Variants in MTSS1 observed in about 807,000 individuals in gnomAD.
MTSS1 encodes MTSS I-BAR domain containing 1, also known as protein MTSS 1.
A neutral mutation model predicts 79.0 loss-of-function variants in MTSS1; 18 were observed. The ratio of observed to expected loss-of-function variants is 0.23; its 90% CI spans 0.16 to 0.34. MTSS1 has a LOEUF of 0.34. MTSS1 is among the 10% of genes least tolerant of loss of function. MTSS1 has a pLI of 1.00. For synonymous variants in MTSS1, 341 were observed against 368.6 expected, an observed-to-expected ratio of 0.93 and a Z score of 0.86; for missense variants, 815 against 986.2, an observed-to-expected ratio of 0.83 and a Z score of 2.33.
intron 3 of MTSS1, among the ~76,000 whole-genome samples, chr8:124,630,219 C>T (rs928942929): frequency 6.6e-6 from 1 of 152,228 alleles, no homozygotes; most frequent in Non-Finnish European, 1.5e-5. Flanking sequence ...GTTGTGGACC[C>T]TAAAGGGCCC....
At chr8:124,696,580 C>T (rs545662998) in intron 3 of MTSS1, among the ~76,000 whole-genome samples, 1 of 152,194 alleles carries the variant, frequency 6.6e-6, no homozygotes, top group South Asian at 2.1e-4. Context: ...CAGCCAGATG[C>T]GGTGGCTCCC....
At chr8:124,564,125 A>G (rs913387653) in intron 9 of MTSS1, among the ~76,000 whole-genome samples, 7 of 89,680 alleles carry the variant, frequency 7.8e-5, no homozygotes, top group African/African-American at 1.2e-4. Context: ...ACGAGACCCG[A>G]TCTCAAAAAA....
intron 3 of MTSS1, among the ~76,000 whole-genome samples, chr8:124,688,634 G>A (rs1427591847): frequency 5.9e-5 from 9 of 152,140 alleles, no homozygotes; most frequent in African/African-American, 9.7e-5. Context: ...AGATGACCAC[G>A]GGTTTCTTAT....
chr8:124,667,370 C>T (rs532305653), intron 3 of MTSS1, among the ~76,000 whole-genome samples: 1 of 152,292 alleles, frequency 6.6e-6, no homozygotes, highest in African/African-American at 2.4e-5. Flanking sequence ...ATAGGCCGGG[C>T]GTGGTGGCTC....
At chr8:124,570,070 C>A (rs1366205279) in intron 6 of MTSS1, among the ~76,000 whole-genome samples, 1 of 152,146 alleles carries the variant, frequency 6.6e-6, no homozygotes, top group Non-Finnish European at 1.5e-5. Flanking sequence ...CACTCATAAG[C>A]AGAGGAGAAA....
At position 124,704,181 on chromosome 8, in the gene MTSS1, G is replaced by A. The variant is rs1182104906; in HGVS notation, c.83C>T (p.Pro28Leu). Residue 28 changes from proline (P) to leucine (L), a missense_variant, in exon 2 of 14, where the codon CCA becomes CTA. This residue lies in a region of MTSS1 where 225 missense variants were observed against 365.4 expected (regional missense o/e 0.62). Coordinates refer to ENST00000518547, the MANE Select transcript of MTSS1 (RefSeq NM_014751.6). Reference protein sequence around the residue: ...TIISDMKGSYPVWEDFINKAG... With the variant: ...TIISDMKGSYLVWEDFINKAG... The stretch of plus-strand genomic sequence containing the variant: ...TTTGTTTATGAAATCTTCCCAAACT[G>A]GATAGCTCCCCTGCAACACATCAAA... The A allele has an allele frequency of 2.5e-6, 4 of 1,613,762 alleles. No homozygotes were observed. In the African/African-American group the frequency reaches 4.0e-5, roughly 16 times the overall value.
chr8:124,607,857 T>G (rs780697939), intron 3 of MTSS1, among the ~76,000 whole-genome samples: 1 of 152,016 alleles, frequency 6.6e-6, no homozygotes, highest in African/African-American at 2.4e-5. Flanking sequence ...TTAACAGTTA[T>G]TATATATCTC....
At chr8:124,648,361 A>G (rs771624758) in intron 3 of MTSS1, among the ~76,000 whole-genome samples, 3 of 152,118 alleles carry the variant, frequency 2.0e-5, no homozygotes, top group Non-Finnish European at 4.4e-5. Context: ...CTTCTGTTAC[A>G]AAAGTTTTGG....
chr8:124,567,930 T>C (rs902823943), intron 7 of MTSS1: 1 of 1,401,556 alleles, frequency 7.1e-7, no homozygotes, highest in East Asian at 2.6e-5. Context: ...TTGAGGCTCT[T>C]GGATATTCAT....
At chr8:124,694,614 A>G (rs1025961869) in intron 3 of MTSS1, among the ~76,000 whole-genome samples, 5 of 152,064 alleles carry the variant, frequency 3.3e-5, no homozygotes, top group African/African-American at 9.7e-5. Context: ...TTTTGTTCTC[A>G]CCACAGCCTA....
Position 124,553,630 on chromosome 8 carries a change from TGTC to T in MTSS1, c.1627_1629del (p.Asp543del). ...CTGTTTCTTGGAATGGTGGAGGACT[TGTC>T]GAACTCCTGCTGATCTGCCTCCTGG... On this transcript the variant is annotated inframe_deletion, in exon 14 of 14. Transcript: ENST00000518547. The surrounding 1 kb of genome is among the most constrained non-coding windows in gnomAD (Gnocchi z 6.0). 1 of 1,614,172 alleles carries T rather than the reference TGTC, an allele frequency of 6.2e-7. No homozygotes were observed. The highest frequency in any genetic ancestry group is 8.5e-7 in the Non-Finnish European group (1 of 1,180,014).
chr8:124,611,616 T>C (rs1587268435), intron 3 of MTSS1, among the ~76,000 whole-genome samples: 1 of 152,278 alleles, frequency 6.6e-6, no homozygotes, highest in East Asian at 1.9e-4. Flanking sequence ...GGCCTTTAGA[T>C]ACCATCGGCA....
intron 1 of MTSS1, among the ~76,000 whole-genome samples, chr8:124,715,945 T>C (rs1171172231): frequency 5.3e-5 from 8 of 152,144 alleles, no homozygotes; most frequent in Non-Finnish European, 2.9e-5. Context: ...TGTAGGATGA[T>C]GGGGAAAACA....
intron 10 of MTSS1, among the ~76,000 whole-genome samples, chr8:124,558,385 C>G (rs1025561728): frequency 2.0e-5 from 3 of 152,122 alleles, no homozygotes; most frequent in African/African-American, 7.2e-5. Flanking sequence ...AGTGACATGG[C>G]TCATCCAACG....
At chr8:124,654,214 G>C (rs1055464216) in intron 3 of MTSS1, among the ~76,000 whole-genome samples, 1 of 152,216 alleles carries the variant, frequency 6.6e-6, no homozygotes, top group African/African-American at 2.4e-5. Context: ...GATGGTAGCT[G>C]CTGATACAAT....
Position 124,689,500 on chromosome 8 carries a change from C to A in MTSS1, c.208+10026G>T, listed in dbSNP as rs113813351. Among the ~76,000 whole-genome samples, 246 of 151,540 alleles carry A rather than the reference C, an allele frequency of 1.6e-3. 3 individuals are homozygous for A. Among genetic ancestry groups the A allele is most frequent in the African/African-American group, 5.7e-3 (234 of 41,326 alleles). Reference sequence around the variant, plus strand: ...GTGGCTCACACCTGTAATCCCAGCACTTTGGGAGGCTGAGGCAGGCGGATC... The same window carrying A: ...GTGGCTCACACCTGTAATCCCAGCAATTTGGGAGGCTGAGGCAGGCGGATC... On this transcript the variant is annotated intron_variant, in intron 3 of 13. Coordinates refer to ENST00000518547, the MANE Select transcript of MTSS1 (RefSeq NM_014751.6).
At chr8:124,567,965 G>A in intron 7 of MTSS1, 1 of 1,359,090 alleles carries the variant, frequency 7.4e-7, no homozygotes, top group Non-Finnish European at 9.5e-7. Flanking sequence ...TTAGTACTCG[G>A]CTACAACAGT....
In MTSS1 at chr8:124,553,848, C is replaced by T. The variant is rs987748620; in HGVS notation, c.1568-156G>A. ...CTCTACCATCTTCAGAAAGCCTCAC[C>T]AACTAAGAACTCCGTGGCAGGGATC... On this transcript the variant is annotated intron_variant, in intron 13 of 13. Coordinates refer to ENST00000518547, the MANE Select transcript of MTSS1 (RefSeq NM_014751.6). The surrounding 1 kb of genome is among the most constrained non-coding windows in gnomAD (Gnocchi z 6.0). Among the ~76,000 whole-genome samples, 3 of 152,144 alleles carry T rather than the reference C, an allele frequency of 2.0e-5. No homozygotes were observed. Among genetic ancestry groups the T allele is most frequent in the African/African-American group, 7.2e-5 (3 of 41,428 alleles).
intron 3 of MTSS1, among the ~76,000 whole-genome samples, chr8:124,688,024 T>C (rs73345821): frequency 0.019 from 2,828 of 152,244 alleles, 80 homozygotes; most frequent in African/African-American, 0.062. Context: ...TTAGTTTCCA[T>C]GGTAACCGAG....
Sources: gnomAD v4.1 joint callset for allele counts (sites outside exome capture counted in the v4.1 genomes callset) on GRCh38, gnomAD v4.1.1 for gene constraint, gnomAD v4.1.1 regional missense constraint, Gnocchi (gnomAD v3.1) non-coding constraint, MANE v1.5 for transcripts, NCBI Gene and HGNC (gene_info 2026-07-23, HGNC 2026-07-21) for gene names.